The following IL12RB1 variants were observed in gnomAD, a reference collection of about 807,000 sequenced individuals.
IL12RB1 encodes interleukin 12 receptor subunit beta 1.
Under a neutral mutation model 94.4 loss-of-function variants are expected in IL12RB1, and 64 were observed. The observed-to-expected ratio is 0.68, with a 90% confidence interval of 0.55 to 0.83. The LOEUF (loss-of-function observed/expected upper bound fraction) is 0.83, where lower values mean the gene tolerates loss of function less well. IL12RB1 is among the 40% of genes least tolerant of loss of function. The pLI is 0.00. For synonymous variants in IL12RB1, 362 were observed against 355.5 expected (o/e 1.02, Z -0.21); for missense variants, 814 against 855.6 (o/e 0.95, Z 0.61).
rs144346229 is a variant in IL12RB1 at position 18,077,984 on chromosome 19, C to T, written c.410-329G>A. ...ATTAGCCAGGCATGGTAGTTCATGACTGTGGTTCCAGCTACTTAGGAGAGT... is the reference window on the plus strand; with the variant it reads ...ATTAGCCAGGCATGGTAGTTCATGATTGTGGTTCCAGCTACTTAGGAGAGT... On this transcript the variant is annotated intron_variant, in intron 4 of 16. Coordinates refer to ENST00000593993, the MANE Select transcript of IL12RB1 (RefSeq NM_005535.3). Among the ~76,000 whole-genome samples, 253 of 152,218 alleles carry T rather than the reference C, an allele frequency of 1.7e-3. 2 individuals are homozygous for T. The highest frequency in any genetic ancestry group is 5.6e-3 in the African/African-American group (233 of 41,534).
At chr19:18,075,481 G>A (rs551268155) in intron 7 of IL12RB1, among the ~76,000 whole-genome samples, 52 of 151,506 alleles carry the variant, frequency 3.4e-4, no homozygotes, top group East Asian at 7.8e-4. Flanking sequence ...GGCTGGTCTC[G>A]AACTCCTGAC....
chr19:18,074,249 C>A (rs2035284990), intron 7 of IL12RB1, among the ~76,000 whole-genome samples: 1 of 151,908 alleles, frequency 6.6e-6, no homozygotes, highest in Admixed American at 6.6e-5. Flanking sequence ...TGGCCTCAAA[C>A]AATCCTCTGG....
intron 5 of IL12RB1, among the ~76,000 whole-genome samples, chr19:18,077,169 C>T (rs2035542208): frequency 6.6e-6 from 1 of 152,050 alleles, no homozygotes; most frequent in South Asian, 2.1e-4. Flanking sequence ...ACCAGCCTGG[C>T]CCACATGGCG....
intron 9 of IL12RB1, among the ~76,000 whole-genome samples, chr19:18,070,262 C>T (rs2034926996): frequency 6.6e-6 from 1 of 152,232 alleles, no homozygotes. Flanking sequence ...TCCAGCCTAA[C>T]TGCTGTCTCC....
chr19:18,069,761 C>T (rs776183909), intron 9 of IL12RB1, 48 bp from the exon 10 acceptor site: 3 of 1,379,856 alleles, frequency 2.2e-6, no homozygotes, highest in Non-Finnish European at 3.1e-6. Context: ...CATCTCTCTC[C>T]CCAGTCCCCT....
chr19:18,097,946 G>C, intron 1 of IL12RB1: 1 of 813,982 alleles, frequency 1.2e-6, no homozygotes, highest in East Asian at 3.6e-5. Context: ...GAGGCAGAGG[G>C]TGGGGAACGC....
chr19:18,060,178 C>A, intron 15 of IL12RB1, 93 bp from the exon 16 acceptor site: 1 of 687,070 alleles, frequency 1.5e-6, no homozygotes, highest in Non-Finnish European at 2.6e-6. Flanking sequence ...TGGTTAAATT[C>A]TCTAACATCC....
intron 1 of IL12RB1, among the ~76,000 whole-genome samples, chr19:18,097,447 C>G (rs1305523427): frequency 6.6e-6 from 1 of 152,142 alleles, no homozygotes; most frequent in African/African-American, 2.4e-5. Flanking sequence ...GATCTGCCCA[C>G]CTCGGCCTCC....
Position 18,060,052 on chromosome 19 carries a change from C to T in IL12RB1, c.1825G>A (p.Glu609Lys), listed in dbSNP as rs1471672536. The change falls in exon 16 of 17, where the codon GAA (glutamate) becomes AAA (lysine). Residue 609 changes from glutamate to lysine, a missense_variant. Glu to Lys is a moderately conservative substitution (Grantham distance 56). Coordinates refer to ENST00000593993, the MANE Select transcript of IL12RB1 (RefSeq NM_005535.3). ...AGGGCCTCCTGCAGGGATGCCTCTTCCTGGAAGTCCACTGGGTTGATCCAC... is the reference window on the plus strand; with the variant it reads ...AGGGCCTCCTGCAGGGATGCCTCTTTCTGGAAGTCCACTGGGTTGATCCAC... ...WQWINPVDFQEEASLQEALVV... is the reference protein window; with the variant it reads ...WQWINPVDFQKEASLQEALVV... 5 of 1,606,858 alleles carry T rather than the reference C, an allele frequency of 3.1e-6. No individual in the cohort carries two copies. The highest frequency in any genetic ancestry group is 3.4e-5 in the Admixed American group (2 of 59,660).
At chr19:18,084,646 G>A (rs1053076778) in intron 1 of IL12RB1, among the ~76,000 whole-genome samples, 2 of 118,226 alleles carry the variant, frequency 1.7e-5, no homozygotes, top group Non-Finnish European at 3.6e-5. Context: ...TCTACCTACC[G>A]ATATATCCAT....
intron 11 of IL12RB1, among the ~76,000 whole-genome samples, 188 bp downstream of exon 11, chr19:18,068,201 T>A (rs2034734351): frequency 6.6e-6 from 1 of 151,692 alleles, no homozygotes; most frequent in Admixed American, 6.6e-5. Context: ...AATTTTTGTA[T>A]TTTTAGTAGA....
At chr19:18,067,554 G>A (rs1002940170) in intron 11 of IL12RB1, among the ~76,000 whole-genome samples, 4 of 151,624 alleles carry the variant, frequency 2.6e-5, no homozygotes, top group East Asian at 3.9e-4. Flanking sequence ...CTGTAATCCC[G>A]GCACTTTGGG....
intron 15 of IL12RB1, among the ~76,000 whole-genome samples, 181 bp downstream of exon 15, chr19:18,060,941 G>C (rs1164978328): frequency 6.6e-6 from 1 of 152,092 alleles, no homozygotes; most frequent in Non-Finnish European, 1.5e-5. Context: ...TTTGAATTCT[G>C]TTTCTAGTGC....
chr19:18,083,384 G>A (rs1234066378), intron 2 of IL12RB1, 48 bp downstream of exon 2: 2 of 1,567,962 alleles, frequency 1.3e-6, no homozygotes, highest in Non-Finnish European at 1.8e-6. Context: ...ATGGGGTCAG[G>A]CAGAGCCCTA....
intron 12 of IL12RB1, 105 bp from the exon 13 acceptor site, chr19:18,064,115 G>T (rs2146126356): frequency 7.9e-6 from 5 of 629,198 alleles, no homozygotes; most frequent in Non-Finnish European, 1.1e-5. Context: ...TAGGCATTTT[G>T]CTAAAATCTC....
chr19:18,060,231 C>A (rs989931497), intron 15 of IL12RB1, 146 bp from the exon 16 acceptor site: 9 of 605,530 alleles, frequency 1.5e-5, no homozygotes, highest in Non-Finnish European at 2.7e-5. Flanking sequence ...GTCATCCCAG[C>A]ACTTTGGGAG....
At chr19:18,077,376 A>G in intron 5 of IL12RB1, 140 bp downstream of exon 5, 3 of 696,584 alleles carry the variant, frequency 4.3e-6, no homozygotes, top group Admixed American at 2.5e-5. Context: ...AAAAAAAAAG[A>G]AAAAGAAAAA....
rs2146052029 is a variant in IL12RB1 at position 18,059,537 on chromosome 19, G to A, written c.*71C>T. On this transcript the variant is annotated 3_prime_UTR_variant, in exon 17 of 17. Coordinates refer to ENST00000593993, the MANE Select transcript of IL12RB1 (RefSeq NM_005535.3). ...GCCTGGAGGAGCTCTGGGTTATTTG[G>A]GTCCAAATGTGACTCCTGTGTGTGC... 1.3e-6 allele frequency: 1 copy of A among 768,822 alleles called. No individual in the cohort carries two copies. The highest frequency in any genetic ancestry group is 2.4e-6 in the Non-Finnish European group (1 of 412,078). The allele number at this position is 768,822 out of a possible 1,614,324, so 47.6% of individuals were successfully genotyped here. A position where few individuals can be genotyped will look rare whatever the true frequency, so the allele number is the denominator to read the frequency against.
intron 1 of IL12RB1, among the ~76,000 whole-genome samples, chr19:18,084,987 C>T (rs543794614): frequency 1.1e-4 from 16 of 152,184 alleles, no homozygotes; most frequent in South Asian, 2.1e-4. Flanking sequence ...CAGGCAAGCA[C>T]ACTTGGCCCA....
Sources: gnomAD v4.1 joint callset for allele counts (sites outside exome capture counted in the v4.1 genomes callset) on GRCh38, gnomAD v4.1.1 for gene constraint, MANE v1.5 for transcripts, NCBI Gene and HGNC (gene_info 2026-07-23, HGNC 2026-07-21) for gene names.